Variants in NCAPD2 observed in about 807,000 individuals in gnomAD.
NCAPD2 encodes the protein condensin complex subunit 1.
In NCAPD2, 100 loss-of-function variants were observed where a neutral mutation model predicts 164.5. That is an observed-to-expected ratio of 0.61 (90% CI 0.52 to 0.72). The LOEUF (loss-of-function observed/expected upper bound fraction) is 0.72, where lower values mean the gene tolerates loss of function less well. Ranked by LOEUF, NCAPD2 falls within the 30% of genes least tolerant of loss-of-function variation. The pLI, the probability that NCAPD2 is intolerant of heterozygous loss-of-function variation, is 0.00. For synonymous variants in NCAPD2, 585 were observed against 642.6 expected (o/e 0.91, Z 1.36); for missense variants, 1,560 against 1,749.2 (o/e 0.89, Z 1.93).
chr12:6,500,303 C>T (rs1012603048), intron 2 of NCAPD2, among the ~76,000 whole-genome samples: 2 of 152,066 alleles, frequency 1.3e-5, no homozygotes, highest in Non-Finnish European at 2.9e-5. Context: ...ATAGTAGGAC[C>T]TGTCATTTCA....
intron 2 of NCAPD2, among the ~76,000 whole-genome samples, chr12:6,504,180 TAC>T (rs1264008201): frequency 0.024 from 1,358 of 56,834 alleles, 36 homozygotes; most frequent in African/African-American, 0.075. Context: ...CATATATATA[TAC>T]ATATATATAT....
At chr12:6,510,604 G>A in intron 4 of NCAPD2, 25 bp from the exon 5 acceptor site, 1 of 1,613,188 alleles carries the variant, frequency 6.2e-7, no homozygotes, top group Non-Finnish European at 8.5e-7. Flanking sequence ...GAGTGAAACT[G>A]ACTCCAAGAT....
At chr12:6,518,519 T>TGTTTTG (rs1247184637) in intron 13 of NCAPD2, among the ~76,000 whole-genome samples, 1 of 116,066 alleles carries the variant, frequency 8.6e-6, no homozygotes, top group African/African-American at 3.5e-5. Flanking sequence ...TTTTTTTTTT[T>TGTTTTG]TTTTTTTTTT....
rs375019569 is a variant in NCAPD2, at chr12:6,528,820, C to T, written c.3441C>T (p.Ala1147=). The change falls in exon 26 of 32, where the codon GCC becomes GCT. Residue 1147 remains alanine, a synonymous_variant. Coordinates refer to ENST00000315579, the MANE Select transcript of NCAPD2 (RefSeq NM_014865.4). This position sits in a 1 kb window ranked among gnomAD's most constrained non-coding sequence, Gnocchi z 5.1. ...LLIDPEPQIA[A]LAKNFFNELS... ...TCGACCCCGAGCCTCAGATTGCTGC[C>T]CTGGCCAAGAACTTCTTCAATGAGC... The T allele has an allele frequency of 1.9e-6, 3 of 1,613,932 alleles. No homozygotes were observed. Among genetic ancestry groups the T allele is most frequent in the Non-Finnish European group, 2.5e-6 (3 of 1,179,890 alleles).
chr12:6,503,914 G>T (rs1946063719), intron 2 of NCAPD2, among the ~76,000 whole-genome samples: 1 of 151,908 alleles, frequency 6.6e-6, no homozygotes, highest in African/African-American at 2.4e-5. Flanking sequence ...GGAGGCAGAG[G>T]TTGCAGTGAG....
chr12:6,504,197 A>G (rs1160544815), intron 2 of NCAPD2, among the ~76,000 whole-genome samples: 23 of 20,884 alleles, frequency 1.1e-3, no homozygotes, highest in Admixed American at 8.9e-3. Context: ...ATATATATAT[A>G]TATATATATA....
At chr12:6,516,468 C>T (rs1184505639) in intron 9 of NCAPD2, among the ~76,000 whole-genome samples, 1 of 152,222 alleles carries the variant, frequency 6.6e-6, no homozygotes, top group Non-Finnish European at 1.5e-5. Context: ...CGCCACAGCA[C>T]TCCAGCCTGG....
rs1127198 is a variant in NCAPD2 at position 6,531,511 on chromosome 12, T to A, written c.*99T>A. The A allele has an allele frequency of 0.46, 624,488 of 1,352,906 alleles. 107,145 individuals carry two copies. The highest frequency in any genetic ancestry group is 0.66 in the African/African-American group (44,218 of 67,166). 83.8% of individuals were successfully genotyped at this position (1,352,906 alleles called of 1,614,324 possible). On this transcript the variant is annotated 3_prime_UTR_variant, in exon 32 of 32. Coordinates refer to ENST00000315579, the MANE Select transcript of NCAPD2 (RefSeq NM_014865.4). The surrounding 1 kb of genome is among the most constrained non-coding windows in gnomAD (Gnocchi z 4.1). The stretch of plus-strand genomic sequence containing the variant: ...AAAATATTTGTCTGTCTCTTTTTTT[T>A]AAAAAAAAAAAAGGCCGGGCACTGT...
chr12:6,530,564 G>A, intron 29 of NCAPD2, 127 bp from the exon 30 acceptor site: 1 of 1,176,738 alleles, frequency 8.5e-7, no homozygotes, highest in Non-Finnish European at 1.2e-6. Flanking sequence ...GATCCGGTAT[G>A]GAGCCTTCTC....
Position 6,530,799 on chromosome 12 carries a change from G to A in NCAPD2, c.3946G>A (p.Ala1316Thr). 6.2e-7 allele frequency: 1 copy of A among 1,614,204 alleles called. No individual in the cohort carries two copies. Among genetic ancestry groups the A allele is most frequent in the Admixed American group, 1.7e-5 (1 of 60,018 alleles). Residue 1316 changes from alanine (A) to threonine (T), a missense_variant, in exon 30 of 32, where the codon GCC becomes ACC. By Grantham distance (58) the Ala-to-Thr change is moderately conservative. Transcript: ENST00000315579. ...AGCAGGTAGCCAGAGAGCGCCATCA[G>A]CCAAGAAACCATCCACTGGTACGTA... ...GQAGSQRAPS[A>T]KKPSTGSRYQ...
chr12:6,495,287 C>G lies in NCAPD2; in HGVS notation c.127+62C>G, dbSNP rs574252295. The G allele has an allele frequency of 1.8e-4, 291 of 1,576,512 alleles. No individual in the cohort carries two copies. In the African/African-American group the frequency reaches 3.8e-3, roughly 20 times the overall value. ...CAAAGGACCATCTCACATGGAATTGCTACATTGTCATTTCTGTTCCACTAC... is the reference window on the plus strand; with the variant it reads ...CAAAGGACCATCTCACATGGAATTGGTACATTGTCATTTCTGTTCCACTAC... On this transcript the variant is annotated intron_variant, in intron 2 of 31. Coordinates refer to ENST00000315579, the MANE Select transcript of NCAPD2 (RefSeq NM_014865.4).
intron 2 of NCAPD2, among the ~76,000 whole-genome samples, chr12:6,500,792 T>C (rs561761616): frequency 3.8e-4 from 58 of 152,240 alleles, no homozygotes; most frequent in African/African-American, 8.9e-4. Context: ...GTTTTGAGCA[T>C]GGGAGTGACA....
chr12:6,521,711 T>C, intron 14 of NCAPD2, 87 bp from the exon 15 acceptor site: 1 of 1,473,436 alleles, frequency 6.8e-7, no homozygotes, highest in Non-Finnish European at 9.2e-7. Flanking sequence ...GGAAAATAAA[T>C]AAGTAAATAT....
Position 6,529,537 on chromosome 12 carries a change from G to C in NCAPD2, c.3597G>C (p.Lys1199Asn). 1 of 1,614,128 alleles carries C rather than the reference G, an allele frequency of 6.2e-7. No homozygotes were observed. The highest frequency in any genetic ancestry group is 8.5e-7 in the Non-Finnish European group (1 of 1,180,010). ...GACAGCTCCTCTCCTACATCACCAA[G>C]GACAAGCAGACAGAGAGCCTGGTGG... ...IMKQLLSYIT[K>N]DKQTESLVEK... is the part of the protein sequence containing the mutation. Residue 1199 changes from lysine to asparagine, a missense_variant, in exon 28 of 32, where the codon AAG becomes AAC. Transcript: ENST00000315579.
Position 6,522,847 on chromosome 12 carries a change from A to C in NCAPD2, c.1974A>C (p.Glu658Asp). The C allele has an allele frequency of 6.2e-7, 1 of 1,614,022 alleles. No homozygotes were observed. Among genetic ancestry groups the C allele is most frequent in the Non-Finnish European group, 8.5e-7 (1 of 1,179,970 alleles). ...TCTCAGTGGTGCAGGAGGTGATTGA[A>C]TTCTTTGTGATGGTCTTCCAATTTG... ...NTTTVVQEVIEFFVMVFQFGV... is the reference protein window; with the variant it reads ...NTTTVVQEVIDFFVMVFQFGV... The change falls in exon 16 of 32, where the codon GAA (glutamate) becomes GAC (aspartate). Residue 658 changes from glutamate to aspartate, a missense_variant. Coordinates refer to ENST00000315579, the MANE Select transcript of NCAPD2 (RefSeq NM_014865.4).
rs538165274 is a variant in NCAPD2, at chr12:6,500,580, C to G, written c.127+5355C>G. Among the ~76,000 whole-genome samples the G allele has an allele frequency of 8.5e-5, 13 of 152,320 alleles. 1 individual carries two copies. The East Asian group carries it at 1.5e-3, about 18-fold the overall frequency. On this transcript the variant is annotated intron_variant, in intron 2 of 31. Coordinates refer to ENST00000315579, the MANE Select transcript of NCAPD2 (RefSeq NM_014865.4). ...AGATCAGCAGTGTTAATATCAGGAT[C>G]TCATGATCTGGGAGCTTATTAGAAA... is the stretch of plus-strand genomic sequence containing the variant.
In NCAPD2 at chr12:6,509,734, C is replaced by T. The variant is rs550146120; in HGVS notation, c.145C>T (p.Arg49Ter). The change falls in exon 3 of 32, where the codon CGA becomes TGA. Residue 49 changes from arginine to a stop codon, truncating the protein, a stop_gained. Transcript: ENST00000315579. LOFTEE classifies it high-confidence loss of function. Reference sequence around the variant, plus strand: ...CTTCATAGCTTTTCAGGCTGCCTTTCGAGCTCAGGGGCCCCTGGCTATGCT... The same window carrying T: ...CTTCATAGCTTTTCAGGCTGCCTTTTGAGCTCAGGGGCCCCTGGCTATGCT... The part of the protein sequence containing the change: ...PQLRAFQAAF[R>*]AQGPLAMLQH... 97 of 1,613,986 alleles carry T rather than the reference C, an allele frequency of 6.0e-5. No individual in the cohort carries two copies. Among genetic ancestry groups the T allele is most frequent in the Non-Finnish European group, 7.5e-5 (89 of 1,179,938 alleles).
intron 4 of NCAPD2, 120 bp downstream of exon 4, chr12:6,510,253 C>T (rs200608978): frequency 2.2e-5 from 25 of 1,156,658 alleles, no homozygotes; most frequent in Non-Finnish European, 3.1e-5. Context: ...TGTTGTGATT[C>T]AGTTGGTTTG....
chr12:6,497,189 T>G (rs1413176351), intron 2 of NCAPD2, among the ~76,000 whole-genome samples: 1 of 152,242 alleles, frequency 6.6e-6, no homozygotes, highest in African/African-American at 2.4e-5. Flanking sequence ...ACAGGTATAC[T>G]ATTCTGTCCA....
Sources: allele counts gnomAD v4.1 joint callset (sites outside exome capture counted in the v4.1 genomes callset), GRCh38; gene constraint gnomAD v4.1.1; non-coding constraint Gnocchi (gnomAD v3.1); transcripts MANE v1.5; gene names NCBI Gene and HGNC (gene_info 2026-07-23, HGNC 2026-07-21).